CWF19L2: variants seen among roughly 807,000 people sequenced by gnomAD.
The protein encoded by CWF19L2 is CWF19 like cell cycle control factor 2, also known as CWF19-like protein 2.
A neutral mutation model predicts 111.7 loss-of-function variants in CWF19L2; 98 were observed. That is an observed-to-expected ratio of 0.88 (90% CI 0.75 to 1.04). The LOEUF is 1.04. Among genes scored for constraint, CWF19L2 ranks in the 50% least tolerant of loss-of-function variants. CWF19L2 has a pLI of 0.00. For synonymous variants in CWF19L2, 351 were observed against 342.9 expected (o/e 1.02, Z -0.26); for missense variants, 1,101 against 1,051.4 (o/e 1.05, Z -0.65).
At chr11:107,427,194 T>C (rs1329938786) in intron 8 of CWF19L2, among the ~76,000 whole-genome samples, 1 of 150,528 alleles carries the variant, frequency 6.6e-6, no homozygotes, top group Non-Finnish European at 1.5e-5. Context: ...CTTGGTCTCC[T>C]ACTTTACAAC....
intron 10 of CWF19L2, among the ~76,000 whole-genome samples, chr11:107,415,765 A>T (rs751590851): frequency 2.0e-5 from 3 of 152,174 alleles, no homozygotes; most frequent in Non-Finnish European, 4.4e-5. Context: ...ATACACATAA[A>T]CACACAGACA....
intron 3 of CWF19L2, among the ~76,000 whole-genome samples, chr11:107,453,045 G>A (rs571615276): frequency 6.6e-5 from 10 of 152,082 alleles, no homozygotes; most frequent in African/African-American, 9.6e-5. Context: ...ATCTTGAGGT[G>A]CGCAAAAATT....
chr11:107,336,575 C>T lies in CWF19L2; in HGVS notation c.2341G>A (p.Ala781Thr), dbSNP rs764741280. The T allele has an allele frequency of 1.9e-6, 3 of 1,600,710 alleles. No homozygotes were observed. The highest frequency in any genetic ancestry group is 2.3e-5 in the South Asian group (2 of 87,816). Residue 781 changes from alanine (A) to threonine (T), a missense_variant, in exon 15 of 18, where the codon GCT becomes ACT. Ala to Thr is a moderately conservative substitution (Grantham distance 58, BLOSUM62 0). Transcript: ENST00000282251. ...IPLPKEVGDMAPIYFKKAIME... is the reference protein window; with the variant it reads ...IPLPKEVGDMTPIYFKKAIME... The stretch of plus-strand genomic sequence containing the variant: ...ATAAACACCTTAAAATAGATGGGAG[C>T]CATGTCACCCACTTCCTTGGGAAGA...
chr11:107,353,212 C>G (rs1171580168), intron 13 of CWF19L2, among the ~76,000 whole-genome samples: 1 of 152,144 alleles, frequency 6.6e-6, no homozygotes, highest in African/African-American at 2.4e-5. Flanking sequence ...GTCTGAGTCT[C>G]AACTTTTCCC....
chr11:107,410,062 T>C (rs1367653936), intron 10 of CWF19L2, among the ~76,000 whole-genome samples: 2 of 152,118 alleles, frequency 1.3e-5, no homozygotes, highest in Middle Eastern at 3.2e-3. Flanking sequence ...ATGGTATTCA[T>C]AGATATGTGA....
intron 10 of CWF19L2, among the ~76,000 whole-genome samples, chr11:107,406,294 A>G (rs1861076268): frequency 6.6e-6 from 1 of 152,234 alleles, no homozygotes; most frequent in African/African-American, 2.4e-5. Flanking sequence ...GTTTGTTATC[A>G]CTGAATGCCA....
chr11:107,442,802 G>A (rs879486092), intron 4 of CWF19L2, 137 bp downstream of exon 4: 49,381 of 393,968 alleles, frequency 0.13, 5,596 homozygotes, highest in Non-Finnish European at 0.16. Flanking sequence ...AAGGGAGGGA[G>A]GGAGGGAGGG....
rs923692319 is a variant in CWF19L2, at chr11:107,398,652, C to T, written c.1618-5757G>A. Among the ~76,000 whole-genome samples the T allele has an allele frequency of 4.6e-5, 7 of 152,270 alleles. No homozygotes were observed. In the East Asian group the frequency reaches 1.3e-3, roughly 29 times the overall value. On this transcript the variant is annotated intron_variant, in intron 10 of 17. Transcript: ENST00000282251. ...AAAACTTTCCCAGCCTTGTGAGAGA[C>T]GTAGACAGCCAAATACAAGAAGCAC...
At chr11:107,338,131 G>A (rs1859954882) in intron 14 of CWF19L2, among the ~76,000 whole-genome samples, 2 of 152,102 alleles carry the variant, frequency 1.3e-5, no homozygotes, top group African/African-American at 4.8e-5. Flanking sequence ...ATTCACAGGT[G>A]TGATCATAGC....
intron 14 of CWF19L2, among the ~76,000 whole-genome samples, chr11:107,338,447 G>A (rs1408827703): frequency 6.6e-6 from 1 of 151,904 alleles, no homozygotes; most frequent in Non-Finnish European, 1.5e-5. Context: ...TGTGCAGGAT[G>A]TGCATGTTTG....
chr11:107,334,818 T>C (rs1006539876), intron 16 of CWF19L2, 63 bp downstream of exon 16: 49 of 1,035,278 alleles, frequency 4.7e-5, no homozygotes, highest in Non-Finnish European at 6.0e-5. Flanking sequence ...AACTAAGACA[T>C]GGAAATTAAT....
At chr11:107,452,171 C>G (rs545991392) in intron 3 of CWF19L2, among the ~76,000 whole-genome samples, 1 of 152,164 alleles carries the variant, frequency 6.6e-6, no homozygotes, top group African/African-American at 2.4e-5. Context: ...TACCATTTAC[C>G]TAGAAATCCT....
chr11:107,373,924 A>G (rs1276778932), intron 12 of CWF19L2, among the ~76,000 whole-genome samples: 4 of 135,718 alleles, frequency 2.9e-5, no homozygotes, highest in African/African-American at 5.9e-5. Context: ...GAAGTGCTTA[A>G]AGGAGCTGAT....
At chr11:107,328,352 C>G (rs1244041377) in intron 17 of CWF19L2, among the ~76,000 whole-genome samples, 2 of 152,092 alleles carry the variant, frequency 1.3e-5, no homozygotes, top group Non-Finnish European at 2.9e-5. Context: ...TAAAAGTTTA[C>G]CTAAAATTGT....
At chr11:107,342,999 G>A (rs1181063712) in intron 14 of CWF19L2, among the ~76,000 whole-genome samples, 1 of 152,100 alleles carries the variant, frequency 6.6e-6, no homozygotes, top group Non-Finnish European at 1.5e-5. Flanking sequence ...GAAGGAACCA[G>A]TCCAGTAGAT....
intron 10 of CWF19L2, chr11:107,403,442 T>C: frequency 1.3e-6 from 1 of 786,388 alleles, no homozygotes; most frequent in Non-Finnish European, 2.3e-6. Context: ...TGTCGGTGGC[T>C]CTTCCACTGT....
Position 107,332,141 on chromosome 11 carries a change from C to T in CWF19L2, c.2440-2122G>A, listed in dbSNP as rs541913999. ...AAGGCCTCTGGTAAACCCACATTCT[C>T]GTGAGAAGTGCTTTCCTTAGTTTAG... On this transcript the variant is annotated intron_variant, in intron 16 of 17. Transcript: ENST00000282251. 4.6e-5 allele frequency among the ~76,000 whole-genome samples: 7 copies of T among 152,300 alleles called. No individual in the cohort carries two copies. In the South Asian group the frequency reaches 1.0e-3, roughly 23 times the overall value.
Position 107,429,428 on chromosome 11 carries a change from T to C in CWF19L2, c.804A>G (p.Lys268=). 6.4e-7 allele frequency: 1 copy of C among 1,557,136 alleles called. No homozygotes were observed. Among genetic ancestry groups the C allele is most frequent in the Non-Finnish European group, 8.7e-7 (1 of 1,152,500 alleles). Residue 268 remains lysine, a synonymous_variant, in exon 8 of 18, where the codon AAA becomes AAG. Transcript: ENST00000282251. ...RYGSMEIFQS[K]LEDAEKAAST... ...ATGCAGCTTTTTCAGCATCTTCTAA[T>C]TTTGACTGAAATATTTCCATTGACT... is the stretch of plus-strand genomic sequence containing the variant.
intron 13 of CWF19L2, among the ~76,000 whole-genome samples, chr11:107,350,951 T>G (rs1860148694): frequency 6.6e-6 from 1 of 152,098 alleles, no homozygotes; most frequent in South Asian, 2.1e-4. Context: ...GTGGCTAAGC[T>G]GAGATGATGA....
Sources: allele counts gnomAD v4.1 joint callset (sites outside exome capture counted in the v4.1 genomes callset), GRCh38; gene constraint gnomAD v4.1.1; transcripts MANE v1.5; gene names NCBI Gene and HGNC (gene_info 2026-07-23, HGNC 2026-07-21).